The following CREB1 variants were observed in gnomAD, a reference collection of about 807,000 sequenced individuals.
CREB1 encodes the protein cyclic AMP-responsive element-binding protein 1.
Under a neutral mutation model 42.0 loss-of-function variants are expected in CREB1, and 2 were observed. The ratio of observed to expected loss-of-function variants is 0.05; its 90% CI spans 0.02 to 0.15. The LOEUF (loss-of-function observed/expected upper bound fraction) is 0.15, where lower values mean the gene tolerates loss of function less well. CREB1 is among the 10% of genes least tolerant of loss of function. CREB1 has a pLI of 1.00. For synonymous variants in CREB1, 123 were observed against 139.9 expected (o/e 0.88, Z 0.85); for missense variants, 199 against 388.9 (o/e 0.51, Z 4.11).
chr2:207,577,245 C>T, intron 6 of CREB1: 1 of 1,064,830 alleles, frequency 9.4e-7, no homozygotes, highest in Non-Finnish European at 1.2e-6. Context: ...ATGTTAACAA[C>T]AGAATAGAAC....
At chr2:207,548,178 C>T (rs2081367979) in intron 1 of CREB1, among the ~76,000 whole-genome samples, 1 of 152,140 alleles carries the variant, frequency 6.6e-6, no homozygotes, top group Non-Finnish European at 1.5e-5. Context: ...ATCTGCCCGC[C>T]TAGGCCTCCC....
intron 3 of CREB1, among the ~76,000 whole-genome samples, chr2:207,564,452 T>G (rs2082065869): frequency 6.6e-6 from 1 of 151,610 alleles, no homozygotes; most frequent in Non-Finnish European, 1.5e-5. Context: ...GAGGCTGCAG[T>G]GGGCTGTGAT....
chr2:207,564,989 T>C (rs1043918582), intron 3 of CREB1, among the ~76,000 whole-genome samples: 1 of 152,082 alleles, frequency 6.6e-6, no homozygotes, highest in African/African-American at 2.4e-5. Context: ...TTTATAAAAA[T>C]AGATTTTTGA....
At chr2:207,533,256 C>A (rs2080728247) in intron 1 of CREB1, among the ~76,000 whole-genome samples, 1 of 151,938 alleles carries the variant, frequency 6.6e-6, no homozygotes, top group Admixed American at 6.6e-5. Flanking sequence ...AACTTAGACA[C>A]CTGATCCATA....
At chr2:207,564,569 G>A (rs768004910) in intron 3 of CREB1, among the ~76,000 whole-genome samples, 23 of 151,718 alleles carry the variant, frequency 1.5e-4, no homozygotes, top group Non-Finnish European at 2.9e-4. Flanking sequence ...CAACTCTACC[G>A]AGGGATAGTA....
chr2:207,581,897 G>A (rs1258657615), intron 7 of CREB1: 3 of 702,900 alleles, frequency 4.3e-6, no homozygotes, highest in Middle Eastern at 2.3e-4. Flanking sequence ...GAAGAGTAGT[G>A]ATCTGTTTTC....
At chr2:207,572,884 A>G (rs1032511326) in intron 5 of CREB1, among the ~76,000 whole-genome samples, 1 of 151,768 alleles carries the variant, frequency 6.6e-6, no homozygotes, top group African/African-American at 2.4e-5. Context: ...AGGTGGAGGC[A>G]TGAATTTCCA....
intron 1 of CREB1, among the ~76,000 whole-genome samples, chr2:207,552,774 C>T (rs2081563386): frequency 6.6e-6 from 1 of 151,844 alleles, no homozygotes; most frequent in East Asian, 1.9e-4. Context: ...GCCACCACGC[C>T]CAGCTAATTT....
In CREB1 at chr2:207,575,944, CCCCCA is replaced by C. The variant is rs1574877892; in HGVS notation, c.688+491_688+495del. Among the ~76,000 whole-genome samples, 2 of 63,568 alleles carry C rather than the reference CCCCCA, an allele frequency of 3.1e-5. 1 individual carries two copies. The highest frequency in any genetic ancestry group is 3.6e-3 in the East Asian group (2 of 554). The allele number at this position is 63,568 out of a possible 152,430, so 41.7% of individuals were successfully genotyped here. On this transcript the variant is annotated intron_variant, in intron 6 of 7. Coordinates refer to ENST00000353267, the MANE Select transcript of CREB1 (RefSeq NM_004379.5). ...TTCTGTTTCTCTGCTTCCCCCCCCC[CCCCCA>C]AAAGAAATTTAAATCTTCTGAGATC...
rs1196199743 is a variant in CREB1, at chr2:207,598,547, T to C, written c.*1489T>C. 9.0e-5 allele frequency: 16 copies of C among 176,892 alleles called. No individual in the cohort carries two copies. Among genetic ancestry groups the C allele is most frequent in the African/African-American group, 3.3e-4 (14 of 41,902 alleles). The allele number at this position is 176,892 out of a possible 1,614,324, so 11.0% of individuals were successfully genotyped here. On this transcript the variant is annotated 3_prime_UTR_variant, in exon 8 of 8. Transcript: ENST00000353267. ...AATTGGAAACTGACATAATGTTAGG[T>C]TATAATTTCTCATTTGGAGCCGGGC...
chr2:207,547,415 GAA>G (rs2081339615), intron 1 of CREB1, among the ~76,000 whole-genome samples: 1 of 152,164 alleles, frequency 6.6e-6, no homozygotes, highest in Non-Finnish European at 1.5e-5. Flanking sequence ...ACTAACATTT[GAA>G]GACAGCTTCA....
intron 1 of CREB1, among the ~76,000 whole-genome samples, chr2:207,540,383 G>A (rs1327545446): frequency 6.6e-6 from 1 of 151,954 alleles, no homozygotes; most frequent in African/African-American, 2.4e-5. Context: ...GCTCACGCCT[G>A]TAATCCTAGC....
At chr2:207,576,886 T>C (rs923906357) in intron 6 of CREB1, 165 of 929,272 alleles carry the variant, frequency 1.8e-4, no homozygotes, top group Non-Finnish European at 2.0e-4. Flanking sequence ...TTTTTACAAA[T>C]GGTGAATCAG....
chr2:207,551,485 TG>T (rs2081500780), intron 1 of CREB1, among the ~76,000 whole-genome samples: 1 of 152,146 alleles, frequency 6.6e-6, no homozygotes, highest in African/African-American at 2.4e-5. Context: ...GAGCCTTCAT[TG>T]GGTAATAGTA....
intron 1 of CREB1, among the ~76,000 whole-genome samples, chr2:207,533,173 C>A (rs982212225): frequency 4.0e-5 from 6 of 150,844 alleles, no homozygotes; most frequent in East Asian, 1.9e-4. Flanking sequence ...AAGAACACTT[C>A]TTTGGGAATT....
chr2:207,583,616 C>T lies in CREB1; in HGVS notation c.839+5961C>T, dbSNP rs551916793. On this transcript the variant is annotated intron_variant, in intron 7 of 7. Transcript: ENST00000353267. ...GAGGTTATATCATATGATTGTAGTA[C>T]AGTTAGATTTGTCACAATCTTCAGT... 1.5e-3 allele frequency among the ~76,000 whole-genome samples: 222 copies of T among 152,236 alleles called. 1 individual carries two copies. Among genetic ancestry groups the T allele is most frequent in the African/African-American group, 5.0e-3 (209 of 41,540 alleles).
At chr2:207,561,208 G>C in intron 3 of CREB1, 1 of 1,474,278 alleles carries the variant, frequency 6.8e-7, no homozygotes, top group Non-Finnish European at 9.4e-7. Context: ...TAGAAAGGAA[G>C]GTGAGAAATT....
At chr2:207,567,227 A>G (rs2082172258) in intron 3 of CREB1, among the ~76,000 whole-genome samples, 1 of 152,046 alleles carries the variant, frequency 6.6e-6, no homozygotes, top group Non-Finnish European at 1.5e-5. Flanking sequence ...GATTGATTAC[A>G]TGGAGTCCTG....
intron 1 of CREB1, among the ~76,000 whole-genome samples, chr2:207,547,021 G>T (rs146343172): frequency 2.1e-3 from 317 of 152,242 alleles, no homozygotes; most frequent in Non-Finnish European, 3.5e-3. Flanking sequence ...TAACCCTGAA[G>T]TCTTGAACAT....
Sources: gnomAD v4.1 joint callset for allele counts (sites outside exome capture counted in the v4.1 genomes callset) on GRCh38, gnomAD v4.1.1 for gene constraint, MANE v1.5 for transcripts, NCBI Gene and HGNC (gene_info 2026-07-23, HGNC 2026-07-21) for gene names.